The following MYO16 variants were observed in gnomAD, a reference collection of about 807,000 sequenced individuals.
The protein encoded by MYO16 is myosin XVI.
In MYO16, 94 loss-of-function variants were observed where a neutral mutation model predicts 205.3. That is an observed-to-expected ratio of 0.46 (90% CI 0.39 to 0.54). The LOEUF (loss-of-function observed/expected upper bound fraction) is 0.54, where lower values mean the gene tolerates loss of function less well. MYO16 is among the 20% of genes least tolerant of loss of function. The pLI is 0.00. For missense variants in MYO16, 2,315 were observed against 2,387.5 expected, an observed-to-expected ratio of 0.97 and a Z score of 0.63; for synonymous variants, 988 against 954.0, an observed-to-expected ratio of 1.04 and a Z score of -0.66.
intron 1 of MYO16, among the ~76,000 whole-genome samples, chr13:108,648,850 A>C (rs920946793): frequency 2.0e-5 from 3 of 152,054 alleles, no homozygotes; most frequent in Non-Finnish European, 2.9e-5. Flanking sequence ...CAGTGGCTTC[A>C]TGTATTGCTG....
intron 4 of MYO16, among the ~76,000 whole-genome samples, chr13:108,783,250 G>A (rs1886360352): frequency 6.6e-6 from 1 of 152,152 alleles, no homozygotes; most frequent in East Asian, 1.9e-4. Context: ...TGTGAGACTT[G>A]GAGTAAAAGG....
At chr13:108,733,092 T>C (rs976470597) in intron 4 of MYO16, among the ~76,000 whole-genome samples, 1 of 152,200 alleles carries the variant, frequency 6.6e-6, no homozygotes, top group Non-Finnish European at 1.5e-5. Flanking sequence ...AATAATTTTA[T>C]TGATTTGTGA....
chr13:109,064,438 C>A (rs1353965171), intron 27 of MYO16, among the ~76,000 whole-genome samples: 1 of 152,146 alleles, frequency 6.6e-6, no homozygotes, highest in Non-Finnish European at 1.5e-5. Flanking sequence ...TTTATCAGAT[C>A]TTTTACTGAT....
intron 1 of MYO16, among the ~76,000 whole-genome samples, chr13:108,599,503 T>C (rs1290145657): frequency 6.6e-6 from 1 of 152,172 alleles, no homozygotes; most frequent in Non-Finnish European, 1.5e-5. Context: ...AGGGTTGTGT[T>C]CACTCTAGGC....
intron 16 of MYO16, among the ~76,000 whole-genome samples, chr13:108,940,499 G>A (rs1882681059): frequency 6.6e-6 from 1 of 152,106 alleles, no homozygotes; most frequent in Non-Finnish European, 1.5e-5. Flanking sequence ...ACTCCCATCA[G>A]CACATTTTCT....
At chr13:109,048,199 G>GAA in intron 24 of MYO16, 1 of 379,796 alleles carries the variant, frequency 2.6e-6, no homozygotes, top group Non-Finnish European at 5.0e-6. Context: ...GTGTGTGTGT[G>GAA]TGTATTTAGA....
chr13:109,126,551 T>A (rs1424373378), intron 30 of MYO16, among the ~76,000 whole-genome samples: 1 of 152,212 alleles, frequency 6.6e-6, no homozygotes, highest in Non-Finnish European at 1.5e-5. Context: ...TTTATTATTT[T>A]CTCTGCTGGA....
intron 15 of MYO16, among the ~76,000 whole-genome samples, chr13:108,903,016 G>A (rs766016616): frequency 6.6e-5 from 10 of 152,174 alleles, no homozygotes; most frequent in African/African-American, 1.4e-4. Context: ...GTGTATCCAC[G>A]ATGTCTCCGC....
chr13:108,527,683 G>T, the MYO16 span, among the ~76,000 whole-genome samples: 49 of 152,068 alleles, frequency 3.2e-4, no homozygotes, highest in African/African-American at 1.1e-3. Flanking sequence ...TGTGGTAATG[G>T]TATATGCCAA....
intron 21 of MYO16, among the ~76,000 whole-genome samples, chr13:109,006,739 C>T (rs141910575): frequency 4.1e-4 from 62 of 152,178 alleles, no homozygotes; most frequent in East Asian, 1.4e-3. Context: ...TATTTCTAAC[C>T]GGCTTTAAGT....
intron 1 of MYO16, among the ~76,000 whole-genome samples, chr13:108,631,816 G>A (rs1448169313): frequency 6.6e-6 from 1 of 152,168 alleles, no homozygotes; most frequent in African/African-American, 2.4e-5. Flanking sequence ...GATGGCTCAC[G>A]CTTGTAATCC....
At chr13:108,807,945 C>T (rs564393257) in intron 7 of MYO16, among the ~76,000 whole-genome samples, 26 of 152,262 alleles carry the variant, frequency 1.7e-4, no homozygotes, top group African/African-American at 6.0e-4. Flanking sequence ...TACATTTCTG[C>T]AACTGTTCTA....
chr13:108,750,778 G>A (rs186440967), intron 4 of MYO16, among the ~76,000 whole-genome samples: 59 of 152,148 alleles, frequency 3.9e-4, no homozygotes, highest in African/African-American at 1.4e-3. Context: ...CTGCACTCCA[G>A]CCTGGGTGAC....
At chr13:109,079,068 T>C (rs578081696) in intron 27 of MYO16, among the ~76,000 whole-genome samples, 1 of 152,250 alleles carries the variant, frequency 6.6e-6, no homozygotes, top group Admixed American at 6.5e-5. Flanking sequence ...CTTAACTGGT[T>C]GGTATCCCTC....
chr13:108,900,517 A>G (rs974083971), intron 15 of MYO16, among the ~76,000 whole-genome samples: 1 of 152,204 alleles, frequency 6.6e-6, no homozygotes, highest in African/African-American at 2.4e-5. Flanking sequence ...TCCCCAAATT[A>G]ATACTTTTAT....
At chr13:108,927,080 C>T (rs185567522) in intron 16 of MYO16, among the ~76,000 whole-genome samples, 44 of 151,680 alleles carry the variant, frequency 2.9e-4, no homozygotes, top group Middle Eastern at 3.4e-3. Context: ...GCATGACTCC[C>T]GAGTGAACAG....
chr13:108,628,662 C>G (rs1035566889), upstream of MYO16, among the ~76,000 whole-genome samples: 1 of 152,084 alleles, frequency 6.6e-6, no homozygotes, highest in African/African-American at 2.4e-5. Context: ...ATAGTCATGA[C>G]CCCTTGTTGT....
intron 1 of MYO16, among the ~76,000 whole-genome samples, chr13:108,635,512 T>G (rs990339012): frequency 2.0e-5 from 3 of 151,696 alleles, no homozygotes; most frequent in Non-Finnish European, 4.4e-5. Context: ...TATTTATTTT[T>G]TTTTTTTTGA....
intron 21 of MYO16, among the ~76,000 whole-genome samples, chr13:108,995,646 G>A (rs1822814180): frequency 6.6e-6 from 1 of 151,894 alleles, no homozygotes; most frequent in East Asian, 1.9e-4. Context: ...GTGCCCATGT[G>A]TTCTCATTGT....
Sources: allele counts gnomAD v4.1 joint callset (sites outside exome capture counted in the v4.1 genomes callset), GRCh38; gene constraint gnomAD v4.1.1; transcripts MANE v1.5; gene names NCBI Gene and HGNC (gene_info 2026-07-23, HGNC 2026-07-21).